Variants in PIK3R6 observed in about 807,000 individuals in gnomAD.
The protein encoded by PIK3R6 is phosphoinositide-3-kinase regulatory subunit 6, also known as phosphoinositide 3-kinase regulatory subunit 6.
PIK3R6 carries 91 observed loss-of-function variants against 84.9 expected under a neutral mutation model. The ratio of observed to expected loss-of-function variants is 1.07; its 90% CI spans 0.90 to 1.28. The LOEUF (loss-of-function observed/expected upper bound fraction) is 1.28. Ranked by LOEUF, PIK3R6 falls within the 50% of genes most tolerant of loss-of-function variation. The pLI is 0.00. For synonymous variants in PIK3R6, 416 were observed against 411.4 expected (o/e 1.01, Z -0.13); for missense variants, 996 against 985.1 (o/e 1.01, Z -0.15).
intron 8 of PIK3R6, 134 bp from the exon 9 acceptor site, chr17:8,833,179 C>A: frequency 7.8e-7 from 1 of 1,276,274 alleles, no homozygotes. Context: ...GCAGGAGCTT[C>A]CCCCGAAGGC....
In PIK3R6 at chr17:8,828,849, C is replaced by G. The variant is rs1234747351; in HGVS notation, c.1031G>C (p.Arg344Pro). ...CTCATCAGCCCCCGTGGGAAGGTCC[C>G]GCTCAATGCCGCTGTCAGTGGACAG... ...SVLSTDSGIE[R>P]DLPTGADELP... The change falls in exon 11 of 20, where the codon CGG becomes CCG. Residue 344 changes from arginine to proline, a missense_variant. Arg to Pro is a moderately radical substitution (Grantham distance 103). Transcript: ENST00000619866. The G allele has an allele frequency of 2.5e-6, 4 of 1,595,976 alleles. No homozygotes were observed. Among genetic ancestry groups the G allele is most frequent in the African/African-American group, 1.3e-5 (1 of 74,286 alleles).
chr17:8,822,807 T>A, intron 15 of PIK3R6, 150 bp from the exon 16 acceptor site: 1 of 988,322 alleles, frequency 1.0e-6, no homozygotes, highest in Non-Finnish European at 1.5e-6. Flanking sequence ...GGGGCCAGGA[T>A]GCCTTTCAGT....
At chr17:8,829,659 GAC>G (rs754701358) in intron 10 of PIK3R6, 45 bp downstream of exon 10, 53 of 1,514,352 alleles carry the variant, frequency 3.5e-5, no homozygotes, top group Non-Finnish European at 4.5e-5. Context: ...TACACACACA[GAC>G]ACAGACATAT....
intron 11 of PIK3R6, 137 bp downstream of exon 11, chr17:8,828,430 C>A (rs550947334): frequency 1.7e-6 from 2 of 1,158,810 alleles, no homozygotes; most frequent in Admixed American, 4.6e-5. Context: ...GGGCACTGTG[C>A]GGCATCCTCC....
chr17:8,851,185 AAAAAAAACAAAAAC>A (rs1336763335), intron 1 of PIK3R6, among the ~76,000 whole-genome samples: 3 of 150,246 alleles, frequency 2.0e-5, no homozygotes, highest in African/African-American at 7.5e-5. Context: ...ATATACAGAA[AAAAAAAACAAAAAC>A]AAAAAAACAA....
At chr17:8,817,669 C>A (rs2087586206) in intron 18 of PIK3R6, among the ~76,000 whole-genome samples, 1 of 145,170 alleles carries the variant, frequency 6.9e-6, no homozygotes, top group African/African-American at 2.8e-5. Context: ...ACAAAAAAAA[C>A]AAAAACATTA....
intron 18 of PIK3R6, among the ~76,000 whole-genome samples, chr17:8,817,908 GT>G (rs60604295): frequency 0.018 from 2,510 of 135,988 alleles, 63 homozygotes; most frequent in African/African-American, 0.056. Flanking sequence ...TGGCAGAGTT[GT>G]TTTTTTTTTT....
intron 18 of PIK3R6, among the ~76,000 whole-genome samples, chr17:8,814,563 A>G (rs2087465290): frequency 6.6e-6 from 1 of 152,136 alleles, no homozygotes; most frequent in Non-Finnish European, 1.5e-5. Context: ...AAAACAAGAA[A>G]GAGTCCTTAA....
chr17:8,807,180 C>T (rs1452865551), intron 18 of PIK3R6, among the ~76,000 whole-genome samples: 1 of 152,182 alleles, frequency 6.6e-6, no homozygotes. Context: ...CAGCTCAAGG[C>T]AGACCTCTCA....
chr17:8,815,089 G>C (rs1567568953), intron 18 of PIK3R6, among the ~76,000 whole-genome samples: 1 of 152,106 alleles, frequency 6.6e-6, no homozygotes. Context: ...CTCAGTTTTG[G>C]CCAGATGAAG....
intron 12 of PIK3R6, 114 bp from the exon 13 acceptor site, chr17:8,827,408 T>C: frequency 2.4e-6 from 3 of 1,247,468 alleles, no homozygotes; most frequent in Non-Finnish European, 3.2e-6. Context: ...TCTTGGGGCA[T>C]GAATTTCTGC....
intron 2 of PIK3R6, among the ~76,000 whole-genome samples, chr17:8,845,209 G>A (rs61257904): frequency 0.036 from 5,431 of 152,184 alleles, 334 homozygotes; most frequent in East Asian, 0.27. Context: ...TTGCTGGGTC[G>A]AATGGTAGCT....
intron 17 of PIK3R6, among the ~76,000 whole-genome samples, chr17:8,819,929 AT>A (rs2087676240): frequency 1.7e-5 from 2 of 120,140 alleles, no homozygotes; most frequent in Non-Finnish European, 3.2e-5. Flanking sequence ...TTTTATATAT[AT>A]ATATATATTT....
At position 8,819,137 on chromosome 17, in the gene PIK3R6, A is replaced by C. The variant is rs1315810072; in HGVS notation, c.1941T>G (p.Asn647Lys). The C allele has an allele frequency of 6.2e-7, 1 of 1,610,802 alleles. No homozygotes were observed. Among genetic ancestry groups the C allele is most frequent in the African/African-American group, 1.3e-5 (1 of 74,996 alleles). The change falls in exon 18 of 20, where the codon AAT (asparagine) becomes AAG (lysine). Residue 647 changes from asparagine (N) to lysine (K), a missense_variant. Coordinates refer to ENST00000619866, the MANE Select transcript of PIK3R6 (RefSeq NM_001010855.4). ...ACTTGACAACCTCTGTCACGTTGACATTCAGACATGTGTGGTCTGTGACAG... is the reference window on the plus strand; with the variant it reads ...ACTTGACAACCTCTGTCACGTTGACCTTCAGACATGTGTGGTCTGTGACAG... The part of the protein sequence containing the change: ...AAPVTDHTCL[N>K]VNVTEVVKSS...
chr17:8,866,263 C>G (rs372014946), intron 1 of PIK3R6, among the ~76,000 whole-genome samples: 3 of 152,082 alleles, frequency 2.0e-5, no homozygotes, highest in African/African-American at 7.2e-5. Flanking sequence ...CCGGGCCAGG[C>G]GCTGTGGCTC....
intron 10 of PIK3R6, 28 bp downstream of exon 10, chr17:8,829,678 G>T (rs1228338672): frequency 1.9e-6 from 3 of 1,542,602 alleles, no homozygotes; most frequent in African/African-American, 1.4e-5. Context: ...ATATACCACT[G>T]TTTCCAGACA....
rs1445117806 is a variant in PIK3R6 at position 8,828,838 on chromosome 17, T to A, written c.1042A>T (p.Thr348Ser). The change falls in exon 11 of 20, where the codon ACG (threonine) becomes TCG (serine). Residue 348 changes from threonine to serine, a missense_variant. Thr to Ser is a moderately conservative substitution (Grantham distance 58, BLOSUM62 1). Transcript: ENST00000619866. ...TDSGIERDLP[T>S]GADELPAPGS... ...GGTGCAGGCAGCTCATCAGCCCCCG[T>A]GGGAAGGTCCCGCTCAATGCCGCTG... 1.3e-6 allele frequency: 2 copies of A among 1,596,888 alleles called. No homozygotes were observed. The highest frequency in any genetic ancestry group is 2.7e-5 in the African/African-American group (2 of 74,468).
rs2087126591 is a variant in PIK3R6 at position 8,804,092 on chromosome 17, A to G, written c.2057T>C (p.Leu686Pro). ...ATCGTCCTTGTCCAGCGACAGTGTC[A>G]GCAGCCTCTGGTCCCGGCTCTGGAT... is the stretch of plus-strand genomic sequence containing the variant. ...IQIQSRDQRL[L>P]TLSLDKDDQR... is the part of the protein sequence containing the mutation. The change falls in exon 19 of 20, where the codon CTG (leucine) becomes CCG (proline). Residue 686 changes from leucine to proline, a missense_variant. Coordinates refer to ENST00000619866, the MANE Select transcript of PIK3R6 (RefSeq NM_001010855.4). 2 of 1,613,932 alleles carry G rather than the reference A, an allele frequency of 1.2e-6. No homozygotes were observed. Among genetic ancestry groups the G allele is most frequent in the Non-Finnish European group, 1.7e-6 (2 of 1,179,890 alleles).
chr17:8,840,233 T>TCC (rs2088627846), intron 2 of PIK3R6, among the ~76,000 whole-genome samples: 3 of 146,722 alleles, frequency 2.0e-5, no homozygotes, highest in Admixed American at 6.9e-5. Flanking sequence ...ATATACAGCC[T>TCC]ACAAATATAT....
Sources: allele counts gnomAD v4.1 joint callset (sites outside exome capture counted in the v4.1 genomes callset), GRCh38; gene constraint gnomAD v4.1.1; transcripts MANE v1.5; gene names NCBI Gene and HGNC (gene_info 2026-07-23, HGNC 2026-07-21).